Variants in KATNA1 observed in about 807,000 individuals in gnomAD.
KATNA1 encodes katanin p60 ATPase-containing subunit A1.
A neutral mutation model predicts 62.6 loss-of-function variants in KATNA1; 42 were observed. The ratio of observed to expected loss-of-function variants is 0.67; its 90% CI spans 0.52 to 0.87. The LOEUF is 0.87. Ranked by LOEUF, KATNA1 falls within the 40% of genes least tolerant of loss-of-function variation. The probability of loss-of-function intolerance (pLI) is 0.00; values close to 1 mark genes in which losing one functional copy is unlikely to be tolerated. For missense variants in KATNA1, 498 were observed against 612.5 expected (o/e 0.81, Z 1.97); for synonymous variants, 186 against 201.9 (o/e 0.92, Z 0.67).
In KATNA1 at chr6:149,595,107, C is replaced by T; in HGVS notation, c.1405G>A (p.Val469Ile). 1 of 1,614,068 alleles carries T rather than the reference C, an allele frequency of 6.2e-7. No homozygotes were observed. Among genetic ancestry groups the T allele is most frequent in the Non-Finnish European group, 8.5e-7 (1 of 1,179,986 alleles). Residue 469 changes from valine to isoleucine, a missense_variant, in exon 11 of 11, where the codon GTT (valine) becomes ATT (isoleucine). Physicochemically the swap from Val to Ile is conservative, Grantham distance 29. This residue lies in a region of KATNA1 where 267 missense variants were observed against 372.6 expected (regional missense o/e 0.72). Coordinates refer to ENST00000367411, the MANE Select transcript of KATNA1 (RefSeq NM_007044.4). ...MEDFEMALKK[V>I]SKSVSAADIE... ...TCTGCAGCAGACACTGACTTAGAAA[C>T]CTTTTTTAAAGCCATCTCGAAATCC...
At chr6:149,628,511 C>T (rs1203287752) in intron 3 of KATNA1, among the ~76,000 whole-genome samples, 1 of 151,942 alleles carries the variant, frequency 6.6e-6, no homozygotes, top group African/African-American at 2.4e-5. Flanking sequence ...GTTAGGATCA[C>T]CAACATAGGT....
At chr6:149,634,447 C>G (rs1242316062) in intron 2 of KATNA1, among the ~76,000 whole-genome samples, 2 of 151,950 alleles carry the variant, frequency 1.3e-5, no homozygotes, top group Non-Finnish European at 2.9e-5. Flanking sequence ...ATTGCTTGAG[C>G]CCAAGGGGGA....
chr6:149,605,904 A>G (rs970855101), intron 4 of KATNA1, among the ~76,000 whole-genome samples: 2 of 152,022 alleles, frequency 1.3e-5, no homozygotes, highest in African/African-American at 4.8e-5. Context: ...GAGTAGGATG[A>G]CAGGTGTGCA....
chr6:149,631,564 C>CAAAA (rs11436870), intron 3 of KATNA1: 1 of 140,454 alleles, frequency 7.1e-6, no homozygotes, highest in African/African-American at 2.6e-5. Flanking sequence ...ACAAAAAAAA[C>CAAAA]AAAAAAAAAA....
intron 6 of KATNA1, among the ~76,000 whole-genome samples, chr6:149,602,721 A>ATTT (rs563234607): frequency 6.2e-4 from 88 of 140,928 alleles, no homozygotes; most frequent in African/African-American, 2.3e-3. Context: ...GTGAATTCTA[A>ATTT]TTTTTTTTTT....
chr6:149,605,066 G>A lies in KATNA1; in HGVS notation c.502-284C>T, dbSNP rs1406711686. On this transcript the variant is annotated intron_variant, in intron 4 of 10. Transcript: ENST00000367411. Reference sequence around the variant, plus strand: ...GCGGCACCTGTAGTCCCAGCTACTCGGGAGGCTGAGGCAGGAGAACAGTGT... The same window carrying A: ...GCGGCACCTGTAGTCCCAGCTACTCAGGAGGCTGAGGCAGGAGAACAGTGT... Among the ~76,000 whole-genome samples, 6 of 151,824 alleles carry A rather than the reference G, an allele frequency of 4.0e-5. No individual in the cohort carries two copies. In the East Asian group the frequency reaches 7.7e-4, roughly 20 times the overall value.
chr6:149,605,144 G>T (rs987907238), intron 4 of KATNA1, among the ~76,000 whole-genome samples: 4 of 151,446 alleles, frequency 2.6e-5, no homozygotes, highest in Non-Finnish European at 5.9e-5. Context: ...CTGCACTCCA[G>T]CCTGGGTGAC....
At chr6:149,615,425 G>A (rs915466516) in intron 4 of KATNA1, among the ~76,000 whole-genome samples, 2 of 151,724 alleles carry the variant, frequency 1.3e-5, no homozygotes, top group African/African-American at 4.8e-5. Context: ...TGCTGGTCTC[G>A]AACTCCTGAG....
At chr6:149,622,160 T>C (rs574569445) in intron 4 of KATNA1, among the ~76,000 whole-genome samples, 52 of 150,370 alleles carry the variant, frequency 3.5e-4, no homozygotes, top group Non-Finnish European at 6.3e-4. Context: ...CAAGACGGAG[T>C]CTCGCTCTGT....
intron 3 of KATNA1, among the ~76,000 whole-genome samples, chr6:149,629,333 G>C (rs1291125055): frequency 6.6e-6 from 1 of 152,128 alleles, no homozygotes; most frequent in African/African-American, 2.4e-5. Flanking sequence ...TGATGTGAAA[G>C]AGCTTACTCA....
chr6:149,598,266 C>T lies in KATNA1; in HGVS notation c.973G>A (p.Ala325Thr). The T allele has an allele frequency of 6.2e-7, 1 of 1,613,960 alleles. No individual in the cohort carries two copies. The highest frequency in any genetic ancestry group is 2.2e-5 in the East Asian group (1 of 44,866). Residue 325 changes from alanine (A) to threonine (T), a missense_variant, in exon 8 of 11, where the codon GCA becomes ACA. Physicochemically the swap from Ala to Thr is moderately conservative, Grantham distance 58. This residue lies in a region of KATNA1 where 267 missense variants were observed against 372.6 expected (regional missense o/e 0.72). Transcript: ENST00000367411. Reference sequence around the variant, plus strand: ...AGCTCCGCTTTCACCCTTCTGCTTGCTTCATGTTCTTCAGAAGTCCCTCGG... The same window carrying T: ...AGCTCCGCTTTCACCCTTCTGCTTGTTTCATGTTCTTCAGAAGTCCCTCGG... Reference protein sequence around the residue: ...SRRGTSEEHEASRRVKAELLV... With the variant: ...SRRGTSEEHETSRRVKAELLV...
At chr6:149,623,029 T>G in intron 4 of KATNA1, 74 bp downstream of exon 4, 1 of 1,172,308 alleles carries the variant, frequency 8.5e-7, no homozygotes, top group Non-Finnish European at 1.2e-6. Flanking sequence ...AAAGAAAAAA[T>G]AAATAAATTT....
At chr6:149,646,901 C>T (rs889299104) in intron 1 of KATNA1, among the ~76,000 whole-genome samples, 4 of 152,016 alleles carry the variant, frequency 2.6e-5, no homozygotes, top group African/African-American at 9.7e-5. Flanking sequence ...CTAAAAAAAC[C>T]CAAACTATTG....
chr6:149,638,312 G>T, intron 2 of KATNA1, 74 bp downstream of exon 2: 13 of 1,336,038 alleles, frequency 9.7e-6, no homozygotes, highest in Non-Finnish European at 1.3e-5. Flanking sequence ...ACTACATACA[G>T]CATTGACATC....
chr6:149,621,187 G>A (rs1275958707), intron 4 of KATNA1, among the ~76,000 whole-genome samples: 1 of 149,684 alleles, frequency 6.7e-6, no homozygotes, highest in African/African-American at 2.5e-5. Context: ...GCAGTGGCGC[G>A]ATCTTAGGTC....
intron 6 of KATNA1, among the ~76,000 whole-genome samples, chr6:149,602,882 C>T (rs1221473188): frequency 2.0e-5 from 3 of 151,966 alleles, no homozygotes; most frequent in Admixed American, 6.6e-5. Context: ...CAACCACGCC[C>T]GGCTAGTTTT....
intron 4 of KATNA1, among the ~76,000 whole-genome samples, chr6:149,610,940 CCGGGCGTGGTGTTCCACGCCTATAGTCT>C (rs1778930253): frequency 6.6e-6 from 1 of 152,122 alleles, no homozygotes; most frequent in African/African-American, 2.4e-5. Context: ...CAAAAACTAG[CCGGGCGTGGTGTTCCACGCCTATAGTCT>C]CAGCTACTTG....
chr6:149,629,173 A>G (rs942917069), intron 3 of KATNA1, among the ~76,000 whole-genome samples: 1 of 152,146 alleles, frequency 6.6e-6, no homozygotes, highest in Non-Finnish European at 1.5e-5. Flanking sequence ...TCCCACTGGG[A>G]ACATCTATTT....
intron 4 of KATNA1, among the ~76,000 whole-genome samples, chr6:149,606,114 T>C (rs970609962): frequency 1.3e-5 from 2 of 152,074 alleles, no homozygotes; most frequent in Non-Finnish European, 2.9e-5. Context: ...TGTGATAAGA[T>C]GTACAGAGAG....
Sources: allele counts gnomAD v4.1 joint callset (sites outside exome capture counted in the v4.1 genomes callset), GRCh38; gene constraint gnomAD v4.1.1; regional missense constraint gnomAD v4.1.1; transcripts MANE v1.5; gene names NCBI Gene and HGNC (gene_info 2026-07-23, HGNC 2026-07-21).